The following HIF3A variants were observed in gnomAD, a reference collection of about 807,000 sequenced individuals.
HIF3A encodes the protein hypoxia-inducible factor 3-alpha.
A neutral mutation model predicts 67.2 loss-of-function variants in HIF3A; 41 were observed. The observed-to-expected ratio is 0.61, with a 90% CI of 0.48 to 0.79. HIF3A has a LOEUF of 0.79. Among genes scored for constraint, HIF3A ranks in the 30% least tolerant of loss-of-function variants. The pLI is 0.00. For missense variants in HIF3A, 855 were observed against 898.0 expected, an observed-to-expected ratio of 0.95 and a Z score of 0.61; for synonymous variants, 356 against 374.8, an observed-to-expected ratio of 0.95 and a Z score of 0.58.
chr19:46,308,122 AATC>A lies in HIF3A; in HGVS notation c.364-95_364-93del, dbSNP rs1283020042. On this transcript the variant is annotated intron_variant, in intron 3 of 14. Coordinates refer to ENST00000377670, the MANE Select transcript of HIF3A (RefSeq NM_152795.4). ...GATAAATGAATGGGGAGACTGGTGAAATCATCCAGGCTCATGAATTGGAGCAGG... is the reference window on the plus strand; with the variant it reads ...GATAAATGAATGGGGAGACTGGTGAAATCCAGGCTCATGAATTGGAGCAGG... 2.7e-5 allele frequency: 22 copies of A among 825,144 alleles called. No homozygotes were observed. The African/African-American group carries it at 3.5e-4, about 13-fold the overall frequency. 51.1% of individuals were successfully genotyped at this position (825,144 alleles called of 1,614,324 possible).
chr19:46,297,218 G>T lies in HIF3A; in HGVS notation c.26+116G>T. The T allele has an allele frequency of 1.6e-6, 1 of 616,448 alleles. No individual in the cohort carries two copies. The highest frequency in any genetic ancestry group is 1.9e-5 in the African/African-American group (1 of 53,554). The allele number at this position is 616,448 out of a possible 1,614,324, so 38.2% of individuals were successfully genotyped here. Reference sequence around the variant, plus strand: ...CGGGTGCGAGCCAAGAACGCCCCGGGGCGCGCAGTTGGAGGCACATCCCCA... The same window carrying T: ...CGGGTGCGAGCCAAGAACGCCCCGGTGCGCGCAGTTGGAGGCACATCCCCA... On this transcript the variant is annotated intron_variant, in intron 1 of 14. Transcript: ENST00000377670. This position sits in a 1 kb window ranked among gnomAD's most constrained non-coding sequence, Gnocchi z 4.5.
At chr19:46,309,052 CT>C (rs1490651185) in intron 5 of HIF3A, 98 bp from the exon 6 acceptor site, 3 of 1,025,916 alleles carry the variant, frequency 2.9e-6, no homozygotes, top group African/African-American at 1.6e-5. Context: ...GGGTTGGAAT[CT>C]CAGCTCCCTG....
intron 12 of HIF3A, 107 bp downstream of exon 12, chr19:46,329,585 T>G: frequency 7.6e-7 from 1 of 1,318,678 alleles, no homozygotes; most frequent in Non-Finnish European, 9.9e-7. Context: ...CCCTGATCTC[T>G]GCTCCAGCCA....
intron 6 of HIF3A, 96 bp from the exon 7 acceptor site, chr19:46,312,065 G>T (rs371094874): frequency 2.7e-5 from 24 of 877,432 alleles, no homozygotes; most frequent in Non-Finnish European, 4.7e-5. Context: ...CATCTTGCTG[G>T]CTTTGTTCCT....
chr19:46,312,881 A>ATTTTTTTTTTTTTTTTTTTTTT (rs1568516507), intron 8 of HIF3A: 1 of 944,340 alleles, frequency 1.1e-6, no homozygotes, highest in African/African-American at 2.4e-5. Flanking sequence ...GTAGACTGTT[A>ATTTTTTTTTTTTTTTTTTTTTT]ATTTTTTTTT....
chr19:46,298,218 T>TCTCCCCTGTCCC, intron 1 of HIF3A: 2 of 245,966 alleles, frequency 8.1e-6, no homozygotes, highest in South Asian at 2.9e-5. Context: ...GCCCCCATCC[T>TCTCCCCTGTCCC]CTCCCCTGTC....
Position 46,303,901 on chromosome 19 carries a change from G to T in HIF3A, c.30G>T (p.Ser10=). 6.2e-7 allele frequency: 1 copy of T among 1,607,878 alleles called. No individual in the cohort carries two copies. The highest frequency in any genetic ancestry group is 8.5e-7 in the Non-Finnish European group (1 of 1,177,606). MALGLQRAR[S]TTELRKEKSR... is the part of the protein sequence containing the mutation. ...TGAATGCTGCCCATGCCCTCAGGTCGACCACGGAGCTGCGCAAGGAAAAGT... is the reference window on the plus strand; with the variant it reads ...TGAATGCTGCCCATGCCCTCAGGTCTACCACGGAGCTGCGCAAGGAAAAGT... Residue 10 remains serine, a synonymous_variant, in exon 2 of 15, where the codon TCG becomes TCT. Coordinates refer to ENST00000377670, the MANE Select transcript of HIF3A (RefSeq NM_152795.4).
At position 46,308,285 on chromosome 19, in the gene HIF3A, A is replaced by G. The variant is rs774472659; in HGVS notation, c.428A>G (p.Asp143Gly). 1 of 1,612,994 alleles carries G rather than the reference A, an allele frequency of 6.2e-7. No individual in the cohort carries two copies. Among genetic ancestry groups the G allele is most frequent in the South Asian group, 1.1e-5 (1 of 90,974 alleles). ...IHPCDQEELQ[D>G]ALTPQQTLSR... ...CCCTGTGACCAAGAGGAGCTTCAGG[A>G]CGCCCTGACCCCCCAGCAGAGTGAG... is the stretch of plus-strand genomic sequence containing the variant. Residue 143 changes from aspartate to glycine, a missense_variant, in exon 4 of 15, where the codon GAC (aspartate) becomes GGC (glycine). Coordinates refer to ENST00000377670, the MANE Select transcript of HIF3A (RefSeq NM_152795.4).
At chr19:46,308,837 T>C (rs1969158967) in intron 5 of HIF3A, 62 bp downstream of exon 5, 1 of 1,152,770 alleles carries the variant, frequency 8.7e-7, no homozygotes, top group African/African-American at 1.5e-5. Context: ...CCCTGAAAGA[T>C]CTTGAAGGGT....
intron 1 of HIF3A, 106 bp from the exon 2 acceptor site, chr19:46,303,792 A>G (rs1968549791): frequency 6.7e-7 from 1 of 1,497,270 alleles, no homozygotes; most frequent in Non-Finnish European, 9.1e-7. Flanking sequence ...GCCGCGGCCC[A>G]GCACTCCACG....
intron 1 of HIF3A, among the ~76,000 whole-genome samples, chr19:46,303,192 G>A (rs1227704224): frequency 2.0e-5 from 3 of 152,200 alleles, no homozygotes; most frequent in African/African-American, 7.2e-5. Context: ...TGACAAAATA[G>A]TAAAAGCTGG....
rs1285233614 is a variant in HIF3A, at chr19:46,342,289, C to T, written c.*2667C>T. 6.6e-6 allele frequency: 1 copy of T among 152,092 alleles called. No homozygotes were observed. Among genetic ancestry groups the T allele is most frequent in the Non-Finnish European group, 1.5e-5 (1 of 68,018 alleles). 9.4% of individuals were successfully genotyped at this position (152,092 alleles called of 1,614,324 possible). On this transcript the variant is annotated 3_prime_UTR_variant, in exon 15 of 15. Coordinates refer to ENST00000377670, the MANE Select transcript of HIF3A (RefSeq NM_152795.4). ...ATTTTAGACTTTGCCTTATACATTT[C>T]TCTGGTTTTAGATCTTACCACCCTC...
chr19:46,329,165 A>G, intron 11 of HIF3A, 42 bp from the exon 12 acceptor site: 1 of 1,538,056 alleles, frequency 6.5e-7, no homozygotes, highest in Non-Finnish European at 8.8e-7. Flanking sequence ...GGTCCACCCA[A>G]GTCCAAGGCT....
intron 10 of HIF3A, among the ~76,000 whole-genome samples, chr19:46,323,137 G>A (rs1013356016): frequency 4.6e-5 from 7 of 150,966 alleles, no homozygotes; most frequent in African/African-American, 1.7e-4. Flanking sequence ...CACAACCTGC[G>A]CCTCCTGGAT....
chr19:46,338,391 C>T lies in HIF3A; in HGVS notation c.1913-1134C>T, dbSNP rs779196973. 65 of 389,888 alleles carry T rather than the reference C, an allele frequency of 1.7e-4. 1 individual carries two copies. The highest frequency in any genetic ancestry group is 1.2e-3 in the South Asian group (60 of 50,664). The allele number at this position is 389,888 out of a possible 1,614,324, so 24.2% of individuals were successfully genotyped here. A position where few individuals can be genotyped will look rare whatever the true frequency, so the allele number is the denominator to read the frequency against. Reference sequence around the variant, plus strand: ...CTGATGTTTATATGTTTTGTAGAGACGAGGTTTCACCATGTTGCCCAGGCT... The same window carrying T: ...CTGATGTTTATATGTTTTGTAGAGATGAGGTTTCACCATGTTGCCCAGGCT... On this transcript the variant is annotated intron_variant, in intron 14 of 14. Coordinates refer to ENST00000377670, the MANE Select transcript of HIF3A (RefSeq NM_152795.4).
chr19:46,325,731 G>T (rs1168120762), intron 11 of HIF3A, 92 bp downstream of exon 11: 2 of 801,490 alleles, frequency 2.5e-6, no homozygotes, highest in Non-Finnish European at 4.3e-6. Context: ...GATGGTTAAA[G>T]GAATGAATGG....
intron 13 of HIF3A, among the ~76,000 whole-genome samples, chr19:46,332,749 T>A (rs1422756975): frequency 6.6e-6 from 1 of 152,136 alleles, no homozygotes; most frequent in African/African-American, 2.4e-5. Context: ...TTTGGGAGGA[T>A]GAGGCGGGAT....
chr19:46,339,122 T>C (rs1457868391), intron 14 of HIF3A, among the ~76,000 whole-genome samples: 1 of 152,134 alleles, frequency 6.6e-6, no homozygotes, highest in Non-Finnish European at 1.5e-5. Flanking sequence ...CCTTTCCTTA[T>C]TTAAAAAAAG....
chr19:46,334,761 G>T, intron 13 of HIF3A, 144 bp from the exon 14 acceptor site: 1 of 566,376 alleles, frequency 1.8e-6, no homozygotes, highest in Middle Eastern at 3.2e-4. Context: ...TGCCCAGGCT[G>T]GTCTCAAACG....
Sources: gnomAD v4.1 joint callset for allele counts (sites outside exome capture counted in the v4.1 genomes callset) on GRCh38, gnomAD v4.1.1 for gene constraint, Gnocchi (gnomAD v3.1) non-coding constraint, MANE v1.5 for transcripts, NCBI Gene and HGNC (gene_info 2026-07-23, HGNC 2026-07-21) for gene names.